CSMD3: variants seen among roughly 807,000 people sequenced by gnomAD.
CSMD3 encodes the protein CUB and sushi domain-containing protein 3.
CSMD3 carries 177 observed loss-of-function variants against 435.2 expected under a neutral mutation model. The observed-to-expected ratio is 0.41, with a 90% confidence interval of 0.36 to 0.46. CSMD3 has a LOEUF of 0.46. CSMD3 is among the 20% of genes least tolerant of loss of function. The pLI is 0.34. For missense variants in CSMD3, 4,265 were observed against 4,504.6 expected (o/e 0.95, Z 1.52); for synonymous variants, 1,656 against 1,520.5 (o/e 1.09, Z -2.07).
At chr8:112,992,616 C>T (rs533252221) in intron 6 of CSMD3, among the ~76,000 whole-genome samples, 4 of 151,910 alleles carry the variant, frequency 2.6e-5, no homozygotes, top group Admixed American at 6.6e-5. Flanking sequence ...CATGGTATGT[C>T]TAAGTAGGCA....
intron 19 of CSMD3, among the ~76,000 whole-genome samples, chr8:112,646,152 T>C (rs1563807032): frequency 6.6e-6 from 1 of 152,190 alleles, no homozygotes; most frequent in Non-Finnish European, 1.5e-5. Context: ...TGAATTTGTA[T>C]GATGAATGAA....
rs1820204801 is a variant in CSMD3 at position 112,295,832 on chromosome 8, C to T, written c.8614+1G>A. On this transcript the variant is annotated splice_donor_variant, in intron 54 of 70. Coordinates refer to ENST00000297405, the MANE Select transcript of CSMD3 (RefSeq NM_198123.2). LOFTEE classifies it high-confidence loss of function. ...TAATTGCTTTTGCCATGCTTACTTA[C>T]GCACACAGGATGGGAGCTGACCAGA... The T allele has an allele frequency of 1.2e-6, 2 of 1,613,532 alleles. No homozygotes were observed. The highest frequency in any genetic ancestry group is 1.7e-6 in the Non-Finnish European group (2 of 1,179,656).
chr8:113,091,346 A>G (rs754821407), intron 5 of CSMD3, among the ~76,000 whole-genome samples: 10 of 152,086 alleles, frequency 6.6e-5, no homozygotes, highest in Non-Finnish European at 1.5e-4. Context: ...TAGTATTAGC[A>G]TTAGTTCTCC....
intron 22 of CSMD3, among the ~76,000 whole-genome samples, chr8:112,599,772 A>G (rs1364824107): frequency 6.6e-6 from 1 of 150,608 alleles, no homozygotes; most frequent in Non-Finnish European, 1.5e-5. Context: ...CGCAAGAAGA[A>G]AAAACCAAAC....
intron 26 of CSMD3, among the ~76,000 whole-genome samples, chr8:112,551,196 G>A (rs925130028): frequency 6.6e-6 from 1 of 152,044 alleles, no homozygotes; most frequent in East Asian, 1.9e-4. Flanking sequence ...TAGGCACTGT[G>A]CAAAATGCGT....
chr8:112,941,033 A>G (rs2083436316), intron 9 of CSMD3, among the ~76,000 whole-genome samples: 1 of 151,832 alleles, frequency 6.6e-6, no homozygotes, highest in Non-Finnish European at 1.5e-5. Flanking sequence ...GACAAGAAAA[A>G]AAAATTGGGT....
At chr8:112,437,940 C>T (rs1814558359) in intron 32 of CSMD3, among the ~76,000 whole-genome samples, 1 of 152,046 alleles carries the variant, frequency 6.6e-6, no homozygotes, top group South Asian at 2.1e-4. Flanking sequence ...TTACCTAGCA[C>T]TTGAGGATAC....
At chr8:112,592,021 T>C (rs561923987) in intron 22 of CSMD3, among the ~76,000 whole-genome samples, 2 of 152,150 alleles carry the variant, frequency 1.3e-5, no homozygotes, top group East Asian at 1.9e-4. Flanking sequence ...GTTAGTTTTT[T>C]AAAATGGGGC....
intron 12 of CSMD3, among the ~76,000 whole-genome samples, chr8:112,823,295 A>G (rs1371324940): frequency 1.3e-5 from 2 of 151,998 alleles, no homozygotes; most frequent in Non-Finnish European, 2.9e-5. Context: ...TCTAATAATT[A>G]TTGCCTTAAT....
At chr8:112,334,125 G>T (rs557437555) in intron 45 of CSMD3, among the ~76,000 whole-genome samples, 1 of 152,112 alleles carries the variant, frequency 6.6e-6, no homozygotes, top group East Asian at 1.9e-4. Flanking sequence ...AGAGATCAGC[G>T]TGTTCATGGT....
chr8:112,332,915 C>T (rs1824202538), intron 45 of CSMD3, among the ~76,000 whole-genome samples: 1 of 152,072 alleles, frequency 6.6e-6, no homozygotes, highest in Non-Finnish European at 1.5e-5. Context: ...GTAACAATTA[C>T]AATATTTCTA....
At chr8:112,689,389 AATTGT>A (rs2076083026) in intron 14 of CSMD3, among the ~76,000 whole-genome samples, 1 of 144,698 alleles carries the variant, frequency 6.9e-6, no homozygotes, top group East Asian at 2.2e-4. Context: ...AATGTTAATG[AATTGT>A]ATTGTATGCA....
At chr8:113,263,561 C>A (rs183096524) in intron 3 of CSMD3, among the ~76,000 whole-genome samples, 145 of 151,890 alleles carry the variant, frequency 9.5e-4, no homozygotes, top group Non-Finnish European at 1.6e-3. Flanking sequence ...TTTGCAAGAA[C>A]TAAAATTATA....
intron 13 of CSMD3, among the ~76,000 whole-genome samples, chr8:112,745,914 T>G (rs2077414806): frequency 6.6e-6 from 1 of 152,098 alleles, no homozygotes; most frequent in Non-Finnish European, 1.5e-5. Flanking sequence ...AAAGAAACAT[T>G]TTGCTAATTT....
At chr8:112,580,770 A>G (rs1046346822) in intron 23 of CSMD3, among the ~76,000 whole-genome samples, 1 of 152,064 alleles carries the variant, frequency 6.6e-6, no homozygotes, top group Non-Finnish European at 1.5e-5. Flanking sequence ...CAAGTAGCAA[A>G]TGAGAGAGCT....
chr8:112,646,393 T>C (rs2074981080), intron 19 of CSMD3, among the ~76,000 whole-genome samples: 1 of 151,610 alleles, frequency 6.6e-6, no homozygotes, highest in Non-Finnish European at 1.5e-5. Context: ...TTTGTGTGTG[T>C]GTATATCTGC....
At position 113,240,672 on chromosome 8, in the gene CSMD3, CTATATTTGAA is replaced by C. The variant is rs2093204816; in HGVS notation, c.514+37910_514+37919del. Among the ~76,000 whole-genome samples the C allele has an allele frequency of 7.9e-5, 12 of 152,216 alleles. No individual in the cohort carries two copies. In the South Asian group the frequency reaches 2.5e-3, roughly 32 times the overall value. ...ATGGTTGTATTATTAAACCAAATTC[CTATATTTGAA>C]TATCTGTATCAAATGTAACCTCATT... On this transcript the variant is annotated intron_variant, in intron 3 of 70. Coordinates refer to ENST00000297405, the MANE Select transcript of CSMD3 (RefSeq NM_198123.2).
At chr8:112,265,319 A>C (rs1051573538) in intron 60 of CSMD3, 92 bp downstream of exon 60, 6 of 881,844 alleles carry the variant, frequency 6.8e-6, no homozygotes, top group Non-Finnish European at 9.8e-6. Flanking sequence ...GAACTAAAAA[A>C]TTTTATTTAA....
intron 11 of CSMD3, among the ~76,000 whole-genome samples, chr8:112,835,975 C>T (rs924415080): frequency 3.3e-5 from 5 of 151,866 alleles, no homozygotes; most frequent in Non-Finnish European, 7.4e-5. Flanking sequence ...CTTCAATTCT[C>T]TCTTCTTCTG....
Sources: gnomAD v4.1 joint callset for allele counts (sites outside exome capture counted in the v4.1 genomes callset) on GRCh38, gnomAD v4.1.1 for gene constraint, MANE v1.5 for transcripts, NCBI Gene and HGNC (gene_info 2026-07-23, HGNC 2026-07-21) for gene names.